The following ASAP1 variants were observed in gnomAD, a reference collection of about 807,000 sequenced individuals.
ASAP1 encodes arf-GAP with SH3 domain, ANK repeat and PH domain-containing protein 1.
A neutral mutation model predicts 145.2 loss-of-function variants in ASAP1; 43 were observed. The ratio of observed to expected loss-of-function variants is 0.30; its 90% CI spans 0.23 to 0.38. The LOEUF (loss-of-function observed/expected upper bound fraction) is 0.38. Ranked by LOEUF, ASAP1 falls within the 10% of genes least tolerant of loss-of-function variation. The probability of loss-of-function intolerance (pLI) is 1.00; values close to 1 mark genes in which losing one functional copy is unlikely to be tolerated. For missense variants in ASAP1, 1,018 were observed against 1,355.3 expected, an observed-to-expected ratio of 0.75 and a Z score of 3.91; for synonymous variants, 546 against 515.5, an observed-to-expected ratio of 1.06 and a Z score of -0.80.
intron 18 of ASAP1, among the ~76,000 whole-genome samples, chr8:130,120,495 C>A (rs562949945): frequency 6.6e-6 from 1 of 152,324 alleles, no homozygotes; most frequent in East Asian, 1.9e-4. Context: ...GAGGGATGCA[C>A]ATGTTAGGGG....
chr8:130,286,960 C>A (rs1279193829), intron 3 of ASAP1, among the ~76,000 whole-genome samples: 1 of 151,908 alleles, frequency 6.6e-6, no homozygotes, highest in Non-Finnish European at 1.5e-5. Context: ...ATGAAGAAGG[C>A]CCGTAGGGGG....
At chr8:130,421,909 T>C (rs563328004) in intron 1 of ASAP1, among the ~76,000 whole-genome samples, 26 of 152,340 alleles carry the variant, frequency 1.7e-4, no homozygotes, top group African/African-American at 6.0e-4. Context: ...ATACCTACTA[T>C]GTGAGAAATC....
At chr8:130,300,296 T>C (rs1209589861) in intron 3 of ASAP1, among the ~76,000 whole-genome samples, 1 of 152,154 alleles carries the variant, frequency 6.6e-6, no homozygotes, top group East Asian at 1.9e-4. Flanking sequence ...TTAAGTGTGG[T>C]AATTTAAAAT....
intron 13 of ASAP1, among the ~76,000 whole-genome samples, chr8:130,148,431 A>G (rs759872987): frequency 1.4e-4 from 21 of 152,216 alleles, no homozygotes; most frequent in Non-Finnish European, 2.6e-4. Context: ...GATGAGTAAG[A>G]TGCGGTCCCT....
At chr8:130,152,558 A>C in intron 13 of ASAP1, 178 bp downstream of exon 13, 1 of 418,228 alleles carries the variant, frequency 2.4e-6, no homozygotes, top group Non-Finnish European at 4.3e-6. Flanking sequence ...GATGCCAAAG[A>C]ATGGTGCAGA....
chr8:130,228,269 C>T (rs1386550944), intron 4 of ASAP1, among the ~76,000 whole-genome samples: 1 of 152,114 alleles, frequency 6.6e-6, no homozygotes, highest in Non-Finnish European at 1.5e-5. Context: ...GAACACCCCC[C>T]AAAACATGAC....
intron 2 of ASAP1, chr8:130,386,888 C>T (rs1345720242): frequency 6.6e-6 from 1 of 152,196 alleles, no homozygotes; most frequent in Non-Finnish European, 1.5e-5. Context: ...GTGGAAGTGA[C>T]GTCCTTGTTG....
intron 3 of ASAP1, among the ~76,000 whole-genome samples, chr8:130,293,176 G>A (rs1393096381): frequency 6.6e-6 from 1 of 152,092 alleles, no homozygotes; most frequent in Non-Finnish European, 1.5e-5. Flanking sequence ...AAATATCTGG[G>A]GATCTCTTTA....
intron 3 of ASAP1, among the ~76,000 whole-genome samples, chr8:130,300,153 C>CACACACACACAGAGAGAGAGAG (rs1196584279): frequency 5.2e-5 from 4 of 76,892 alleles, no homozygotes; most frequent in Non-Finnish European, 9.9e-5. Context: ...CACACACACA[C>CACACACACACAGAGAGAGAGAG]AGAGAGAGAG....
intron 1 of ASAP1, among the ~76,000 whole-genome samples, chr8:130,410,391 A>T (rs997455095): frequency 6.6e-6 from 1 of 152,202 alleles, no homozygotes; most frequent in African/African-American, 2.4e-5. Context: ...CGGGACCCCC[A>T]AGAAGAGAAC....
At chr8:130,328,461 T>C (rs1824475730) in intron 3 of ASAP1, among the ~76,000 whole-genome samples, 1 of 152,172 alleles carries the variant, frequency 6.6e-6, no homozygotes, top group Non-Finnish European at 1.5e-5. Flanking sequence ...AGAAGTAAGT[T>C]CTGATCATCT....
chr8:130,365,971 G>A (rs955528417), intron 2 of ASAP1, among the ~76,000 whole-genome samples: 30 of 152,122 alleles, frequency 2.0e-4, no homozygotes, highest in African/African-American at 7.0e-4. Flanking sequence ...AAGAGCCAGC[G>A]AGAATTTTAA....
At chr8:130,121,524 G>A (rs1352136779) in intron 18 of ASAP1, among the ~76,000 whole-genome samples, 2 of 152,178 alleles carry the variant, frequency 1.3e-5, no homozygotes, top group Admixed American at 1.3e-4. Context: ...GCTCATGCCT[G>A]TAATCCCAGC....
At chr8:130,248,470 G>C (rs138691251) in intron 3 of ASAP1, among the ~76,000 whole-genome samples, 10 of 152,238 alleles carry the variant, frequency 6.6e-5, no homozygotes, top group African/African-American at 1.7e-4. Context: ...CCACAGGAGG[G>C]ATGAAGAGAT....
At chr8:130,147,467 G>C (rs2097634624) in intron 13 of ASAP1, among the ~76,000 whole-genome samples, 1 of 152,168 alleles carries the variant, frequency 6.6e-6, no homozygotes. Flanking sequence ...TTCAAGTCTA[G>C]GCAGTCTGGC....
intron 2 of ASAP1, among the ~76,000 whole-genome samples, chr8:130,378,889 TC>T (rs1827631028): frequency 6.6e-6 from 1 of 152,206 alleles, no homozygotes; most frequent in African/African-American, 2.4e-5. Flanking sequence ...CACAGGCCTT[TC>T]CACATGTTTT....
intron 3 of ASAP1, among the ~76,000 whole-genome samples, chr8:130,263,322 C>A (rs1033581736): frequency 6.6e-6 from 1 of 152,160 alleles, no homozygotes; most frequent in Non-Finnish European, 1.5e-5. Context: ...AGATCCCACC[C>A]TCTCAGGAAT....
Position 130,276,728 on chromosome 8 carries a change from A to ACACACT in ASAP1, c.187-39735_187-39734insAGTGTG, listed in dbSNP as rs548512902. Among the ~76,000 whole-genome samples the ACACACT allele has an allele frequency of 2.7e-3, 237 of 87,294 alleles. 1 individual carries two copies. Among genetic ancestry groups the ACACACT allele is most frequent in the East Asian group, 0.014 (29 of 2,022 alleles). The allele number at this position is 87,294 out of a possible 152,430, so 57.3% of individuals were successfully genotyped here. On this transcript the variant is annotated intron_variant, in intron 3 of 29. Coordinates refer to ENST00000518721, the MANE Select transcript of ASAP1 (RefSeq NM_018482.4). Reference sequence around the variant, plus strand: ...CACACACACACACACACACACACACACTCTCTCTCTCTCTCTCTCTCTCTC... The same window carrying ACACACT: ...CACACACACACACACACACACACACACACACTCTCTCTCTCTCTCTCTCTCTCTCTC...
At position 130,346,586 on chromosome 8, in the gene ASAP1, T is replaced by C. The variant is rs556604151; in HGVS notation, c.186+11431A>G. Among the ~76,000 whole-genome samples, 3 of 152,240 alleles carry C rather than the reference T, an allele frequency of 2.0e-5. No homozygotes were observed. In the East Asian group the frequency reaches 5.8e-4, roughly 29 times the overall value. On this transcript the variant is annotated intron_variant, in intron 3 of 29. Transcript: ENST00000518721. ...CTGTTGGGAGGATTATATGAGACGA[T>C]ATGGGTAGGGCAATCAGCACAGTTC...
Sources: gnomAD v4.1 joint callset for allele counts (sites outside exome capture counted in the v4.1 genomes callset) on GRCh38, gnomAD v4.1.1 for gene constraint, MANE v1.5 for transcripts, NCBI Gene and HGNC (gene_info 2026-07-23, HGNC 2026-07-21) for gene names.